The following CCBE1 variants were observed in gnomAD, a reference collection of about 807,000 sequenced individuals.
CCBE1 encodes the protein collagen and calcium binding EGF domains 1, also known as collagen and calcium-binding EGF domain-containing protein 1.
Under a neutral mutation model 50.0 loss-of-function variants are expected in CCBE1, and 37 were observed. The ratio of observed to expected loss-of-function variants is 0.74; its 90% CI spans 0.57 to 0.97. The LOEUF (loss-of-function observed/expected upper bound fraction) is 0.97, where lower values mean the gene tolerates loss of function less well. Ranked by LOEUF, CCBE1 falls within the 50% of genes least tolerant of loss-of-function variation. The pLI, the probability that CCBE1 is intolerant of heterozygous loss-of-function variation, is 0.00. For missense variants in CCBE1, 538 were observed against 523.8 expected (o/e 1.03, Z -0.26); for synonymous variants, 234 against 203.7 (o/e 1.15, Z -1.27).
intron 2 of CCBE1, among the ~76,000 whole-genome samples, chr18:59,517,356 G>T (rs1195329357): frequency 6.6e-6 from 1 of 152,134 alleles, no homozygotes; most frequent in Admixed American, 6.5e-5. Flanking sequence ...GCTACCTTGG[G>T]GTCCAAGTTC....
At chr18:59,611,753 A>G (rs550981174) in intron 2 of CCBE1, among the ~76,000 whole-genome samples, 3 of 152,244 alleles carry the variant, frequency 2.0e-5, no homozygotes, top group Admixed American at 6.5e-5. Context: ...CTTAAAAAAA[A>G]AAATAAAAAA....
chr18:59,623,834 G>A (rs952005129), intron 2 of CCBE1, among the ~76,000 whole-genome samples: 1 of 152,148 alleles, frequency 6.6e-6, no homozygotes, highest in African/African-American at 2.4e-5. Flanking sequence ...AGGAATGCCT[G>A]GTTTTGCAAT....
intron 2 of CCBE1, among the ~76,000 whole-genome samples, chr18:59,675,022 C>T (rs532880091): frequency 2.0e-5 from 3 of 152,266 alleles, no homozygotes; most frequent in South Asian, 2.1e-4. Flanking sequence ...CTCCTGTAAA[C>T]ATCCTTATCT....
chr18:59,626,017 G>T (rs892612536), intron 2 of CCBE1, among the ~76,000 whole-genome samples: 1 of 152,132 alleles, frequency 6.6e-6, no homozygotes, highest in African/African-American at 2.4e-5. Context: ...CAAGTATTTT[G>T]TTATAGCAGA....
chr18:59,658,260 C>A (rs1417261586), intron 2 of CCBE1, among the ~76,000 whole-genome samples: 2 of 122,040 alleles, frequency 1.6e-5, no homozygotes, highest in Admixed American at 1.7e-4. Context: ...GATGCCGAGG[C>A]AGGATCCCTT....
At chr18:59,613,122 A>T (rs1193837318) in intron 2 of CCBE1, among the ~76,000 whole-genome samples, 1 of 151,952 alleles carries the variant, frequency 6.6e-6, no homozygotes, top group East Asian at 1.9e-4. Flanking sequence ...TATCGGAAGT[A>T]ACTGGATTAA....
At chr18:59,481,309 A>T in intron 2 of CCBE1, among the ~76,000 whole-genome samples, 1 of 145,854 alleles carries the variant, frequency 6.9e-6, no homozygotes, top group East Asian at 2.0e-4. Flanking sequence ...AAGACTTAAA[A>T]AAAGGAACAG....
chr18:59,513,004 G>A (rs1197442274), intron 2 of CCBE1, among the ~76,000 whole-genome samples: 2 of 152,164 alleles, frequency 1.3e-5, no homozygotes, highest in South Asian at 2.1e-4. Flanking sequence ...CAGAGGGTGA[G>A]GTTTGTCCAT....
chr18:59,437,410 C>T (rs545804983), intron 10 of CCBE1, among the ~76,000 whole-genome samples: 4 of 152,266 alleles, frequency 2.6e-5, no homozygotes, highest in East Asian at 1.9e-4. Context: ...ATTCCACTAT[C>T]GCCACTGCAC....
At chr18:59,649,659 G>A (rs2054101867) in intron 2 of CCBE1, among the ~76,000 whole-genome samples, 1 of 151,672 alleles carries the variant, frequency 6.6e-6, no homozygotes, top group African/African-American at 2.4e-5. Flanking sequence ...CAAAGCCCAT[G>A]CTCTTTCAAA....
At position 59,464,417 on chromosome 18, in the gene CCBE1, C is replaced by G. The variant is rs1465470539; in HGVS notation, c.553+2322G>C. Among the ~76,000 whole-genome samples the G allele has an allele frequency of 2.0e-5, 3 of 152,190 alleles. 1 individual carries two copies. In the South Asian group the frequency reaches 6.2e-4, roughly 31 times the overall value. On this transcript the variant is annotated intron_variant, in intron 5 of 10. Coordinates refer to ENST00000439986, the MANE Select transcript of CCBE1 (RefSeq NM_133459.4). Reference sequence around the variant, plus strand: ...CACTCCAGCACTCCAGCCTGGGCAACAGAGCAAGACTCTGTCTCAAAAACA... The same window carrying G: ...CACTCCAGCACTCCAGCCTGGGCAAGAGAGCAAGACTCTGTCTCAAAAACA...
chr18:59,695,564 A>C (rs1272779013), intron 2 of CCBE1, among the ~76,000 whole-genome samples: 1 of 152,174 alleles, frequency 6.6e-6, no homozygotes, highest in East Asian at 1.9e-4. Context: ...GTGCTTTTGC[A>C]CCCATAAACT....
intron 2 of CCBE1, among the ~76,000 whole-genome samples, chr18:59,511,036 T>C (rs559223704): frequency 5.3e-5 from 8 of 152,294 alleles, no homozygotes; most frequent in Admixed American, 4.6e-4. Flanking sequence ...GTCTGACCCC[T>C]GCTCTGAGAA....
chr18:59,460,916 C>A (rs1039676199), intron 5 of CCBE1, among the ~76,000 whole-genome samples: 1 of 149,658 alleles, frequency 6.7e-6, no homozygotes, highest in Non-Finnish European at 1.5e-5. Context: ...GCCTGGGTGA[C>A]AGAGGGAGAC....
chr18:59,666,369 A>G (rs1322599456), intron 2 of CCBE1, among the ~76,000 whole-genome samples: 1 of 152,128 alleles, frequency 6.6e-6, no homozygotes, highest in Non-Finnish European at 1.5e-5. Flanking sequence ...TCAGACTCCA[A>G]TCCTGTCACA....
At chr18:59,608,154 A>AT (rs985464677) in intron 2 of CCBE1, among the ~76,000 whole-genome samples, 4 of 152,200 alleles carry the variant, frequency 2.6e-5, no homozygotes, top group Non-Finnish European at 5.9e-5. Flanking sequence ...ACAAATGGGG[A>AT]TTAAAAAGTA....
intron 3 of CCBE1, 58 bp from the exon 4 acceptor site, chr18:59,469,665 C>G: frequency 1.2e-6 from 2 of 1,611,358 alleles, no homozygotes; most frequent in Admixed American, 1.7e-5. Flanking sequence ...GTAACCTGGC[C>G]CTGGCCTGGA....
At chr18:59,515,126 G>A (rs895606333) in intron 2 of CCBE1, among the ~76,000 whole-genome samples, 5 of 152,152 alleles carry the variant, frequency 3.3e-5, no homozygotes, top group South Asian at 2.1e-4. Flanking sequence ...CAACAAGAAG[G>A]GTAGGAAGAA....
chr18:59,463,498 G>T (rs1911590928), intron 5 of CCBE1, among the ~76,000 whole-genome samples: 1 of 152,216 alleles, frequency 6.6e-6, no homozygotes, highest in South Asian at 2.1e-4. Flanking sequence ...GTGGGTGGAG[G>T]ATCTAGGAAT....
Sources: gnomAD v4.1 joint callset for allele counts (sites outside exome capture counted in the v4.1 genomes callset) on GRCh38, gnomAD v4.1.1 for gene constraint, MANE v1.5 for transcripts, NCBI Gene and HGNC (gene_info 2026-07-23, HGNC 2026-07-21) for gene names.